The following CACNA2D3 variants were observed in gnomAD, a reference collection of about 807,000 sequenced individuals.
CACNA2D3 encodes the protein voltage-dependent calcium channel subunit alpha-2/delta-3.
A neutral mutation model predicts 160.6 loss-of-function variants in CACNA2D3; 60 were observed. The ratio of observed to expected loss-of-function variants is 0.37; its 90% CI spans 0.30 to 0.46. CACNA2D3 has a LOEUF of 0.46. Among genes scored for constraint, CACNA2D3 ranks in the 20% least tolerant of loss-of-function variants. The pLI, the probability that CACNA2D3 is intolerant of heterozygous loss-of-function variation, is 1.00. For synonymous variants in CACNA2D3, 558 were observed against 492.9 expected (o/e 1.13, Z -1.75); for missense variants, 1,205 against 1,365.0 (o/e 0.88, Z 1.85).
At chr3:54,495,063 T>G (rs73841609) in intron 4 of CACNA2D3, among the ~76,000 whole-genome samples, 7,106 of 152,288 alleles carry the variant, frequency 0.047, 583 homozygotes, top group African/African-American at 0.16. Context: ...GAAGAAGTGC[T>G]GCTGACATGT....
chr3:54,643,176 C>T (rs969759676), intron 11 of CACNA2D3, among the ~76,000 whole-genome samples: 1 of 152,324 alleles, frequency 6.6e-6, no homozygotes, highest in Non-Finnish European at 1.5e-5. Context: ...ACTGCTTTAT[C>T]TGTTTTGCAT....
intron 9 of CACNA2D3, among the ~76,000 whole-genome samples, chr3:54,627,346 G>A (rs779654312): frequency 6.6e-6 from 1 of 152,152 alleles, no homozygotes. Flanking sequence ...AGAGGGTTAT[G>A]CCCATATGAG....
At chr3:54,464,957 CT>C (rs1700590048) in intron 4 of CACNA2D3, among the ~76,000 whole-genome samples, 1 of 152,116 alleles carries the variant, frequency 6.6e-6, no homozygotes, top group Admixed American at 6.5e-5. Context: ...ATCTCTTCTC[CT>C]TTTTGAACTT....
At chr3:55,065,533 G>T (rs1203319957) in intron 35 of CACNA2D3, among the ~76,000 whole-genome samples, 1 of 152,142 alleles carries the variant, frequency 6.6e-6, no homozygotes, top group Non-Finnish European at 1.5e-5. Context: ...TTAGGCATGG[G>T]TCATGCTCCT....
intron 3 of CACNA2D3, among the ~76,000 whole-genome samples, chr3:54,328,304 G>A (rs773140022): frequency 2.0e-5 from 3 of 152,016 alleles, no homozygotes; most frequent in Non-Finnish European, 4.4e-5. Flanking sequence ...GTTTTGAGAC[G>A]CAGTTTCACT....
At chr3:54,451,815 T>C (rs961104052) in intron 4 of CACNA2D3, among the ~76,000 whole-genome samples, 4 of 152,222 alleles carry the variant, frequency 2.6e-5, no homozygotes, top group African/African-American at 9.6e-5. Context: ...TCATCACTTA[T>C]AAGTTCTGCT....
At chr3:54,489,155 G>GCTAAGGATCTTGTCTTGTGTC (rs1348550723) in intron 4 of CACNA2D3, among the ~76,000 whole-genome samples, 82 of 152,324 alleles carry the variant, frequency 5.4e-4, no homozygotes, top group Non-Finnish European at 9.4e-4. Context: ...CATCAGCCGT[G>GCTAAGGATCTTGTCTTGTGTC]CTAAGGATCT....
At chr3:54,916,802 C>T (rs557458504) in intron 27 of CACNA2D3, among the ~76,000 whole-genome samples, 2 of 152,346 alleles carry the variant, frequency 1.3e-5, no homozygotes, top group African/African-American at 4.8e-5. Flanking sequence ...GGATCCAAAC[C>T]AATCATTACA....
chr3:54,892,895 C>G (rs1285557836), intron 25 of CACNA2D3, among the ~76,000 whole-genome samples: 1 of 152,174 alleles, frequency 6.6e-6, no homozygotes, highest in African/African-American at 2.4e-5. Flanking sequence ...GGGAGGTGTA[C>G]CTGGCTTATC....
At chr3:54,391,391 A>G (rs1323816746) in intron 4 of CACNA2D3, among the ~76,000 whole-genome samples, 1 of 152,200 alleles carries the variant, frequency 6.6e-6, no homozygotes, top group Non-Finnish European at 1.5e-5. Flanking sequence ...TATTGGGGCA[A>G]GAGGCAAAAT....
rs537171268 is a variant in CACNA2D3 at position 54,433,932 on chromosome 3, C to G, written c.381+47158C>G. ...TGAAATGATCTTCGCATGCTCCTAA[C>G]TAGCAGAAGCAAGCAGCATTGCTTC... On this transcript the variant is annotated intron_variant, in intron 4 of 37. Coordinates refer to ENST00000474759, the MANE Select transcript of CACNA2D3 (RefSeq NM_018398.3). 2.0e-5 allele frequency among the ~76,000 whole-genome samples: 3 copies of G among 152,364 alleles called. No individual in the cohort carries two copies. The South Asian group carries it at 6.2e-4, about 32-fold the overall frequency.
chr3:54,879,538 G>A (rs2106838725), intron 20 of CACNA2D3, 127 bp downstream of exon 20: 1 of 688,648 alleles, frequency 1.5e-6, no homozygotes, highest in East Asian at 2.8e-5. Flanking sequence ...GCTGGAAAGA[G>A]TGAGGAAGGG....
intron 2 of CACNA2D3, among the ~76,000 whole-genome samples, chr3:54,226,903 C>A (rs556043458): frequency 1.3e-5 from 2 of 152,296 alleles, no homozygotes; most frequent in East Asian, 3.9e-4. Context: ...TGTACTTGAT[C>A]TAGCTTTTCT....
chr3:54,461,763 T>G (rs1381713382), intron 4 of CACNA2D3, among the ~76,000 whole-genome samples: 3 of 152,056 alleles, frequency 2.0e-5, no homozygotes, highest in African/African-American at 7.2e-5. Flanking sequence ...GGGTTTTTTG[T>G]GTCTCTGTTT....
chr3:54,990,226 C>T (rs143036510), intron 31 of CACNA2D3, among the ~76,000 whole-genome samples: 4 of 152,268 alleles, frequency 2.6e-5, no homozygotes, highest in African/African-American at 9.6e-5. Flanking sequence ...GTCTTATACC[C>T]AGTCCTAAAG....
intron 14 of CACNA2D3, among the ~76,000 whole-genome samples, chr3:54,819,729 C>G (rs1703542075): frequency 6.6e-6 from 1 of 152,078 alleles, no homozygotes; most frequent in Non-Finnish European, 1.5e-5. Flanking sequence ...CCTATAGTCC[C>G]AGCTAATCCA....
intron 31 of CACNA2D3, among the ~76,000 whole-genome samples, chr3:55,001,884 C>T (rs141408269): frequency 5.3e-5 from 8 of 152,304 alleles, no homozygotes; most frequent in South Asian, 2.1e-4. Flanking sequence ...GGAGGCCGAG[C>T]GCGGTGGCTC....
At position 54,968,444 on chromosome 3, in the gene CACNA2D3, T is replaced by A. The variant is rs1243803767; in HGVS notation, c.2450-6T>A. Reference sequence around the variant, plus strand: ...AATGCCTTGTTTTATTTATAATTTGTCCCAGCTGTAGGCATTCAGATGAAA... The same window carrying A: ...AATGCCTTGTTTTATTTATAATTTGACCCAGCTGTAGGCATTCAGATGAAA... On this transcript the variant is annotated splice_polypyrimidine_tract_variant and splice_region_variant and intron_variant, in intron 27 of 37. Coordinates refer to ENST00000474759, the MANE Select transcript of CACNA2D3 (RefSeq NM_018398.3). 6.3e-7 allele frequency: 1 copy of A among 1,597,912 alleles called. No individual in the cohort carries two copies. Among genetic ancestry groups the A allele is most frequent in the Non-Finnish European group, 8.6e-7 (1 of 1,168,290 alleles).
chr3:54,469,907 G>A (rs1028166419), intron 4 of CACNA2D3, among the ~76,000 whole-genome samples: 2 of 152,038 alleles, frequency 1.3e-5, no homozygotes, highest in Non-Finnish European at 2.9e-5. Context: ...AAGGCAAAAA[G>A]CCTCCAAGAA....
Sources: allele counts gnomAD v4.1 joint callset (sites outside exome capture counted in the v4.1 genomes callset), GRCh38; gene constraint gnomAD v4.1.1; transcripts MANE v1.5; gene names NCBI Gene and HGNC (gene_info 2026-07-23, HGNC 2026-07-21).